Variants in KATNAL1 observed in about 807,000 individuals in gnomAD.
KATNAL1 encodes the protein katanin p60 ATPase-containing subunit A-like 1.
KATNAL1 carries 32 observed loss-of-function variants against 55.2 expected under a neutral mutation model. That is an observed-to-expected ratio of 0.58 (90% CI 0.44 to 0.78). The LOEUF is 0.78. KATNAL1 is among the 30% of genes least tolerant of loss of function. The pLI is 0.00. For missense variants in KATNAL1, 466 were observed against 600.9 expected (o/e 0.78, Z 2.35); for synonymous variants, 193 against 193.6 (o/e 1.00, Z 0.02).
At chr13:30,281,762 G>A (rs376814361) in intron 2 of KATNAL1, 8 of 152,142 alleles carry the variant, frequency 5.3e-5, no homozygotes, top group Non-Finnish European at 1.2e-4. Flanking sequence ...CACTAAGTGG[G>A]GAGTGTCTGC....
In KATNAL1 at chr13:30,205,117, G is replaced by A. The variant is rs1301960632; in HGVS notation, c.*3423C>T. Reference sequence around the variant, plus strand: ...ATAGTTACACATTATTCAAATAAATGTATATCAGTTCTAATTTCAAAACAG... The same window carrying A: ...ATAGTTACACATTATTCAAATAAATATATATCAGTTCTAATTTCAAAACAG... On this transcript the variant is annotated 3_prime_UTR_variant, in exon 11 of 11. Transcript: ENST00000380615. 6.6e-6 allele frequency: 1 copy of A among 152,130 alleles called. No homozygotes were observed. Among genetic ancestry groups the A allele is most frequent in the African/African-American group, 2.4e-5 (1 of 41,438 alleles). The allele number at this position is 152,130 out of a possible 1,614,324, so 9.4% of individuals were successfully genotyped here.
intron 1 of KATNAL1, among the ~76,000 whole-genome samples, chr13:30,297,654 G>C (rs1313924319): frequency 6.6e-6 from 1 of 152,080 alleles, no homozygotes; most frequent in Non-Finnish European, 1.5e-5. Flanking sequence ...AGAAAACGTG[G>C]TACATATATA....
At chr13:30,286,901 TG>T (rs1176015880) in intron 1 of KATNAL1, among the ~76,000 whole-genome samples, 1 of 152,236 alleles carries the variant, frequency 6.6e-6, no homozygotes, top group Non-Finnish European at 1.5e-5. Context: ...GAGATAATTT[TG>T]GAAGTTTAAG....
chr13:30,252,596 T>C (rs971126825), intron 4 of KATNAL1, among the ~76,000 whole-genome samples: 9 of 152,204 alleles, frequency 5.9e-5, no homozygotes, highest in Non-Finnish European at 1.0e-4. Context: ...ACTGTACTTA[T>C]GGGCAATAAA....
At chr13:30,296,326 C>A in intron 1 of KATNAL1, 1 of 1,160,302 alleles carries the variant, frequency 8.6e-7, no homozygotes, top group Non-Finnish European at 1.3e-6. Context: ...CAGTCAGCAG[C>A]CATGCCGAGG....
rs1032087159 is a variant in KATNAL1, at chr13:30,207,028, A to G, written c.*1512T>C. 3.3e-5 allele frequency: 5 copies of G among 152,184 alleles called. No individual in the cohort carries two copies. Among genetic ancestry groups the G allele is most frequent in the Admixed American group, 6.5e-5 (1 of 15,284 alleles). The allele number at this position is 152,184 out of a possible 1,614,324, so 9.4% of individuals were successfully genotyped here. ...GGCATTTACAGTTTTTAGCAGGGAA[A>G]AATAATCAAATCTCTTTTTTTAAAA... On this transcript the variant is annotated 3_prime_UTR_variant, in exon 11 of 11. Coordinates refer to ENST00000380615, the MANE Select transcript of KATNAL1 (RefSeq NM_032116.5).
intron 1 of KATNAL1, among the ~76,000 whole-genome samples, chr13:30,292,214 G>T (rs1053841869): frequency 6.6e-6 from 1 of 152,112 alleles, no homozygotes; most frequent in African/African-American, 2.4e-5. Flanking sequence ...CCAGCAAAAG[G>T]GTCCTGAAAC....
At chr13:30,294,978 A>T (rs763490227) in intron 1 of KATNAL1, among the ~76,000 whole-genome samples, 2 of 152,214 alleles carry the variant, frequency 1.3e-5, no homozygotes, top group Non-Finnish European at 2.9e-5. Context: ...TTTGAGAGCT[A>T]TGGCTCAGAA....
chr13:30,229,314 C>G (rs1227430920), intron 8 of KATNAL1, among the ~76,000 whole-genome samples: 1 of 152,090 alleles, frequency 6.6e-6, no homozygotes, highest in Non-Finnish European at 1.5e-5. Flanking sequence ...CCAGACTTTA[C>G]TTCTACGCCA....
intron 3 of KATNAL1, among the ~76,000 whole-genome samples, chr13:30,259,801 C>A (rs1264509533): frequency 6.6e-6 from 1 of 152,282 alleles, no homozygotes; most frequent in South Asian, 2.1e-4. Flanking sequence ...GGGGGAGGGG[C>A]GCCCACCATT....
intron 9 of KATNAL1, among the ~76,000 whole-genome samples, chr13:30,221,188 C>T (rs777006505): frequency 6.6e-6 from 1 of 152,090 alleles, no homozygotes; most frequent in Non-Finnish European, 1.5e-5. Flanking sequence ...GAATATGTTA[C>T]AAAAATTAAG....
intron 9 of KATNAL1, among the ~76,000 whole-genome samples, chr13:30,218,575 C>T (rs1283467605): frequency 1.3e-5 from 2 of 152,128 alleles, no homozygotes; most frequent in Admixed American, 1.3e-4. Flanking sequence ...AGTCTAATTC[C>T]CCTCCCCTTG....
At chr13:30,215,477 T>C (rs1326605174) in intron 9 of KATNAL1, among the ~76,000 whole-genome samples, 1 of 152,186 alleles carries the variant, frequency 6.6e-6, no homozygotes, top group Admixed American at 6.5e-5. Flanking sequence ...CATGCACACG[T>C]ATGTTTATTG....
chr13:30,255,842 T>C (rs1436109196), intron 3 of KATNAL1, among the ~76,000 whole-genome samples: 2 of 152,012 alleles, frequency 1.3e-5, no homozygotes, highest in Non-Finnish European at 2.9e-5. Flanking sequence ...AAATGACACA[T>C]AAAGCAGCAA....
At chr13:30,286,990 A>C (rs1467677752) in intron 1 of KATNAL1, among the ~76,000 whole-genome samples, 2 of 152,234 alleles carry the variant, frequency 1.3e-5, no homozygotes, top group Non-Finnish European at 2.9e-5. Context: ...CCCATTTGGA[A>C]CAGGTATATT....
At chr13:30,236,464 T>G (rs183933482) in intron 6 of KATNAL1, among the ~76,000 whole-genome samples, 4 of 152,236 alleles carry the variant, frequency 2.6e-5, no homozygotes, top group Non-Finnish European at 5.9e-5. Context: ...AATCAGTCAC[T>G]GATACCTTCT....
At chr13:30,284,380 T>C (rs536945817) in intron 1 of KATNAL1, among the ~76,000 whole-genome samples, 2 of 152,268 alleles carry the variant, frequency 1.3e-5, no homozygotes, top group African/African-American at 4.8e-5. Flanking sequence ...ATAATTACCA[T>C]AGGCTGCAAT....
intron 4 of KATNAL1, among the ~76,000 whole-genome samples, chr13:30,254,252 T>C (rs1184071694): frequency 6.6e-6 from 1 of 152,210 alleles, no homozygotes; most frequent in Non-Finnish European, 1.5e-5. Flanking sequence ...GAGTTTCAAG[T>C]ATCCATTTAT....
chr13:30,293,781 C>G (rs1050242182), intron 1 of KATNAL1, among the ~76,000 whole-genome samples: 2 of 152,170 alleles, frequency 1.3e-5, no homozygotes, highest in African/African-American at 4.8e-5. Flanking sequence ...TCGCAGACAC[C>G]ATTTTTTACA....
Sources: gnomAD v4.1 joint callset for allele counts (sites outside exome capture counted in the v4.1 genomes callset) on GRCh38, gnomAD v4.1.1 for gene constraint, MANE v1.5 for transcripts, NCBI Gene and HGNC (gene_info 2026-07-23, HGNC 2026-07-21) for gene names.